The following PLCE1 variants were observed in gnomAD, a reference collection of about 807,000 sequenced individuals.
PLCE1 encodes the protein phospholipase C epsilon 1.
A neutral mutation model predicts 242.8 loss-of-function variants in PLCE1; 119 were observed. The observed-to-expected ratio is 0.49, with a 90% CI of 0.42 to 0.57. PLCE1 has a LOEUF of 0.57. PLCE1 is among the 20% of genes least tolerant of loss of function. The pLI, the probability that PLCE1 is intolerant of heterozygous loss-of-function variation, is 0.00. For synonymous variants in PLCE1, 945 were observed against 1,017.4 expected (o/e 0.93, Z 1.35); for missense variants, 2,441 against 2,788.8 (o/e 0.88, Z 2.81).
intron 2 of PLCE1, among the ~76,000 whole-genome samples, chr10:94,039,547 A>G (rs11187774): frequency 0.4 from 60,560 of 151,548 alleles, 14,938 homozygotes; most frequent in African/African-American, 0.71. Context: ...CACTATGCCC[A>G]GCTAATTTTT....
chr10:94,067,248 C>A (rs981403282), intron 2 of PLCE1, among the ~76,000 whole-genome samples: 3 of 152,146 alleles, frequency 2.0e-5, no homozygotes, highest in Admixed American at 2.0e-4. Context: ...ACAAGGACTT[C>A]TTATTTAAAT....
At chr10:94,273,499 T>G in intron 18 of PLCE1, 63 bp from the exon 19 acceptor site, 1 of 1,398,526 alleles carries the variant, frequency 7.2e-7, no homozygotes, top group Non-Finnish European at 1.0e-6. Context: ...TTATGAAGTG[T>G]ACATATATTT....
chr10:94,251,313 C>G (rs770984139), intron 8 of PLCE1, among the ~76,000 whole-genome samples: 20 of 152,158 alleles, frequency 1.3e-4, no homozygotes, highest in Admixed American at 3.9e-4. Context: ...GTCATAACAT[C>G]AGATAGTTAT....
At chr10:94,007,305 G>T (rs567027823) in intron 1 of PLCE1, among the ~76,000 whole-genome samples, 37 of 145,604 alleles carry the variant, frequency 2.5e-4, no homozygotes, top group African/African-American at 8.4e-4. Flanking sequence ...CCACATAGAG[G>T]TGATAGTTGA....
chr10:94,178,645 G>C (rs1353467052), intron 4 of PLCE1, among the ~76,000 whole-genome samples: 1 of 151,962 alleles, frequency 6.6e-6, no homozygotes, highest in Non-Finnish European at 1.5e-5. Flanking sequence ...TCTGGTCAAA[G>C]AAGAGCCGTT....
chr10:94,065,876 A>C (rs2044181617), intron 2 of PLCE1, among the ~76,000 whole-genome samples: 1 of 152,036 alleles, frequency 6.6e-6, no homozygotes, highest in African/African-American at 2.4e-5. Context: ...GAGGTGGCCA[A>C]CCTCTCTGCT....
intron 2 of PLCE1, among the ~76,000 whole-genome samples, chr10:94,040,317 G>A (rs77355857): frequency 0.018 from 2,684 of 152,138 alleles, 91 homozygotes; most frequent in African/African-American, 0.061. Flanking sequence ...AGTCTGCATA[G>A]CTTTTCTTTT....
At chr10:94,003,019 T>C (rs992727267) in intron 1 of PLCE1, among the ~76,000 whole-genome samples, 3 of 152,210 alleles carry the variant, frequency 2.0e-5, no homozygotes, top group Non-Finnish European at 4.4e-5. Flanking sequence ...AGTGGAGAAG[T>C]TCTGTGTCTT....
At chr10:94,116,215 C>A (rs1358025867) in intron 2 of PLCE1, among the ~76,000 whole-genome samples, 3 of 152,214 alleles carry the variant, frequency 2.0e-5, no homozygotes, top group African/African-American at 7.2e-5. Context: ...TAACTACTCA[C>A]AATTTAGATC....
chr10:94,200,687 A>C (rs2048962604), intron 4 of PLCE1, among the ~76,000 whole-genome samples: 1 of 152,254 alleles, frequency 6.6e-6, no homozygotes, highest in East Asian at 1.9e-4. Context: ...AAGGGAGTAA[A>C]AATGAGTAAC....
chr10:94,239,421 G>A (rs911604483), intron 7 of PLCE1, among the ~76,000 whole-genome samples: 2 of 152,188 alleles, frequency 1.3e-5, no homozygotes, highest in Non-Finnish European at 2.9e-5. Context: ...ATGCAGCAAG[G>A]CTTCACCTTC....
chr10:94,027,747 T>G (rs1589876590), intron 1 of PLCE1, among the ~76,000 whole-genome samples: 1 of 152,006 alleles, frequency 6.6e-6, no homozygotes, highest in Non-Finnish European at 1.5e-5. Context: ...CTTGAATCCA[T>G]GAAGTGGAGG....
intron 2 of PLCE1, among the ~76,000 whole-genome samples, chr10:94,123,405 T>C (rs1280834739): frequency 6.6e-6 from 1 of 152,220 alleles, no homozygotes; most frequent in East Asian, 1.9e-4. Flanking sequence ...AAAGTCTTTA[T>C]GTTTGTCTTT....
intron 3 of PLCE1, among the ~76,000 whole-genome samples, chr10:94,156,509 A>G (rs2047438113): frequency 6.6e-6 from 1 of 152,250 alleles, no homozygotes; most frequent in Non-Finnish European, 1.5e-5. Context: ...AGAGGTGCAT[A>G]GAGCAACGTG....
intron 1 of PLCE1, among the ~76,000 whole-genome samples, chr10:94,016,754 T>A (rs2061290067): frequency 6.6e-6 from 1 of 152,230 alleles, no homozygotes; most frequent in South Asian, 2.1e-4. Flanking sequence ...TTTCTCAAAT[T>A]TTCCACAGTA....
chr10:94,236,267 C>A, intron 7 of PLCE1, 147 bp downstream of exon 7: 1 of 679,318 alleles, frequency 1.5e-6, no homozygotes. Flanking sequence ...TATCTTCAAA[C>A]CTTACCAATT....
chr10:93,996,157 C>T (rs2134132181), intron 1 of PLCE1, among the ~76,000 whole-genome samples: 1 of 152,210 alleles, frequency 6.6e-6, no homozygotes, highest in South Asian at 2.1e-4. Context: ...GTTCCACACA[C>T]CTGGCTGACA....
Position 94,291,713 on chromosome 10 carries a change from G to C in PLCE1, c.5036-1795G>C, listed in dbSNP as rs577585336. 4.6e-5 allele frequency among the ~76,000 whole-genome samples: 7 copies of C among 152,256 alleles called. No individual in the cohort carries two copies. In the South Asian group the frequency reaches 6.2e-4, roughly 14 times the overall value. On this transcript the variant is annotated intron_variant, in intron 22 of 32. Transcript: ENST00000371380. Reference sequence around the variant, plus strand: ...AGGTCAGGAGTTCAAGATCAGCCTGGACAACATGGTGAAATGCCGTCTCTA... The same window carrying C: ...AGGTCAGGAGTTCAAGATCAGCCTGCACAACATGGTGAAATGCCGTCTCTA...
In PLCE1 at chr10:94,225,004, A is replaced by T. The variant is rs1441545333; in HGVS notation, c.1810-2302A>T. Among the ~76,000 whole-genome samples, 3 of 152,194 alleles carry T rather than the reference A, an allele frequency of 2.0e-5. No homozygotes were observed. In the East Asian group the frequency reaches 5.8e-4, roughly 29 times the overall value. ...GAGGGCCCAGTGAAGTCCAGTACAG[A>T]TGGAGGGCAGAGGCACATGCTGGGA... On this transcript the variant is annotated intron_variant, in intron 4 of 32. Coordinates refer to ENST00000371380, the MANE Select transcript of PLCE1 (RefSeq NM_016341.4).
Sources: gnomAD v4.1 joint callset for allele counts (sites outside exome capture counted in the v4.1 genomes callset) on GRCh38, gnomAD v4.1.1 for gene constraint, MANE v1.5 for transcripts, NCBI Gene and HGNC (gene_info 2026-07-23, HGNC 2026-07-21) for gene names.